NTRK3: variants seen among roughly 807,000 people sequenced by gnomAD.
The protein encoded by NTRK3 is NT-3 growth factor receptor.
A neutral mutation model predicts 91.7 loss-of-function variants in NTRK3; 24 were observed. The ratio of observed to expected loss-of-function variants is 0.26; its 90% CI spans 0.19 to 0.37. The LOEUF (loss-of-function observed/expected upper bound fraction) is 0.37, where lower values mean the gene tolerates loss of function less well. Ranked by LOEUF, NTRK3 falls within the 10% of genes least tolerant of loss-of-function variation. NTRK3 has a pLI of 1.00. For synonymous variants in NTRK3, 483 were observed against 404.0 expected, an observed-to-expected ratio of 1.20 and a Z score of -2.34; for missense variants, 880 against 1,068.9, an observed-to-expected ratio of 0.82 and a Z score of 2.46.
At chr15:88,064,358 C>T (rs2046466721) in intron 13 of NTRK3, among the ~76,000 whole-genome samples, 1 of 152,196 alleles carries the variant, frequency 6.6e-6, no homozygotes, top group South Asian at 2.1e-4. Context: ...TAGAGATGGA[C>T]CAACTGATTT....
chr15:87,959,981 G>T (rs1284185198), intron 14 of NTRK3, among the ~76,000 whole-genome samples: 1 of 152,242 alleles, frequency 6.6e-6, no homozygotes, highest in African/African-American at 2.4e-5. Context: ...TTCCCCAGCT[G>T]CATCCTACTA....
intron 14 of NTRK3, among the ~76,000 whole-genome samples, chr15:87,987,691 T>A (rs537024027): frequency 8.5e-5 from 13 of 152,180 alleles, no homozygotes; most frequent in South Asian, 4.1e-4. Context: ...GATTTTTTTT[T>A]AAATTAATGT....
intron 5 of NTRK3, among the ~76,000 whole-genome samples, chr15:88,150,430 T>C (rs2043265034): frequency 6.6e-6 from 1 of 152,232 alleles, no homozygotes; most frequent in African/African-American, 2.4e-5. Flanking sequence ...ATTGCCTTAT[T>C]ACAAGTCAGA....
intron 3 of NTRK3, among the ~76,000 whole-genome samples, chr15:88,197,094 C>CAAAAAAAAAAAAAAAAAAAAAAAAAAA (rs59553739): frequency 1.8e-5 from 1 of 56,512 alleles, no homozygotes; most frequent in Non-Finnish European, 3.6e-5. Context: ...TTGAGCAGGA[C>CAAAAAAAAAAAAAAAAAAAAAAAAAAA]AAAAAAAAAA....
chr15:87,966,695 C>G (rs575528443), intron 14 of NTRK3, among the ~76,000 whole-genome samples: 59 of 152,336 alleles, frequency 3.9e-4, no homozygotes, highest in African/African-American at 1.4e-3. Flanking sequence ...AAGCTGAGAG[C>G]TGTTTGGGTA....
chr15:87,966,514 G>A (rs1307519304), intron 14 of NTRK3, among the ~76,000 whole-genome samples: 1 of 152,124 alleles, frequency 6.6e-6, no homozygotes, highest in African/African-American at 2.4e-5. Context: ...TGTGCACACT[G>A]AGCCTGCAAC....
At chr15:87,912,831 T>C (rs898523391) in intron 17 of NTRK3, among the ~76,000 whole-genome samples, 1 of 151,202 alleles carries the variant, frequency 6.6e-6, no homozygotes, top group Non-Finnish European at 1.5e-5. Context: ...ATAGACCATA[T>C]CCAGAGAATG....
chr15:88,128,789 C>A, intron 10 of NTRK3, 55 bp from the exon 11 acceptor site: 1 of 1,497,660 alleles, frequency 6.7e-7, no homozygotes, highest in Non-Finnish European at 9.3e-7. Flanking sequence ...CCAGAACAGA[C>A]ACACTACTTG....
chr15:87,886,836 G>A (rs1456518756), intron 17 of NTRK3, among the ~76,000 whole-genome samples: 1 of 147,516 alleles, frequency 6.8e-6, no homozygotes, highest in African/African-American at 2.5e-5. Context: ...AAAAAAAAAA[G>A]TGCGAATATA....
intron 13 of NTRK3, among the ~76,000 whole-genome samples, chr15:88,092,777 T>G (rs2049144880): frequency 6.6e-6 from 1 of 152,200 alleles, no homozygotes; most frequent in Admixed American, 6.5e-5. Flanking sequence ...GGCTTGTGGC[T>G]ACATCACTCC....
intron 3 of NTRK3, among the ~76,000 whole-genome samples, chr15:88,224,013 G>T (rs930789682): frequency 6.6e-5 from 10 of 152,210 alleles, no homozygotes; most frequent in Admixed American, 2.0e-4. Flanking sequence ...AACACTCAAG[G>T]TAGCACCCAC....
chr15:88,012,187 C>A (rs1195410540), intron 14 of NTRK3, among the ~76,000 whole-genome samples: 1 of 152,212 alleles, frequency 6.6e-6, no homozygotes, highest in East Asian at 1.9e-4. Context: ...ATCTCTACAT[C>A]CTCCACGAAC....
chr15:88,182,607 C>G (rs1045231015), intron 5 of NTRK3, among the ~76,000 whole-genome samples: 1 of 152,152 alleles, frequency 6.6e-6, no homozygotes, highest in Non-Finnish European at 1.5e-5. Context: ...AAAGGGTGTC[C>G]GAGATGGCCA....
intron 5 of NTRK3, among the ~76,000 whole-genome samples, chr15:88,167,787 C>T (rs760137644): frequency 2.6e-5 from 4 of 152,078 alleles, no homozygotes; most frequent in Admixed American, 6.5e-5. Flanking sequence ...AGACCTAATA[C>T]GTACCTGCAG....
intron 14 of NTRK3, among the ~76,000 whole-genome samples, chr15:88,027,662 G>A (rs558999284): frequency 7.2e-5 from 11 of 152,196 alleles, no homozygotes; most frequent in Non-Finnish European, 1.5e-4. Flanking sequence ...GATTACAGGC[G>A]TGAGCCACCG....
intron 13 of NTRK3, among the ~76,000 whole-genome samples, chr15:88,039,891 C>G (rs2079440546): frequency 6.6e-6 from 1 of 152,082 alleles, no homozygotes; most frequent in South Asian, 2.1e-4. Flanking sequence ...CAACTTAGAA[C>G]TTTTTAAAAG....
chr15:87,864,109 T>C (rs1051576441), exon 19 of NTRK3: 2 of 232,706 alleles, frequency 8.6e-6, no homozygotes, highest in African/African-American at 4.4e-5. Flanking sequence ...AGAACACTGC[T>C]ATTTTCTTTC....
At chr15:88,197,870 G>A (rs754512130) in intron 3 of NTRK3, among the ~76,000 whole-genome samples, 49 of 152,086 alleles carry the variant, frequency 3.2e-4, no homozygotes, top group Non-Finnish European at 6.2e-4. Flanking sequence ...TTTGGAAGCG[G>A]TTTGTTATAA....
intron 3 of NTRK3, among the ~76,000 whole-genome samples, chr15:88,188,431 T>C (rs2047123168): frequency 6.6e-6 from 1 of 152,178 alleles, no homozygotes; most frequent in African/African-American, 2.4e-5. Context: ...AGATTAGAGA[T>C]GTTGCTAAAC....
Sources: allele counts gnomAD v4.1 joint callset (sites outside exome capture counted in the v4.1 genomes callset), GRCh38; gene constraint gnomAD v4.1.1; transcripts MANE v1.5; gene names NCBI Gene and HGNC (gene_info 2026-07-23, HGNC 2026-07-21).